The following OR2L13 variants were observed in gnomAD, a reference collection of about 807,000 sequenced individuals.
OR2L13 encodes olfactory receptor family 2 subfamily L member 13, also known as olfactory receptor 2L13.
OR2L13 carries 14 observed loss-of-function variants against 15.3 expected under a neutral mutation model. The ratio of observed to expected loss-of-function variants is 0.91; its 90% CI spans 0.60 to 1.43. The LOEUF is 1.43. Ranked by LOEUF, OR2L13 falls within the 40% of genes most tolerant of loss-of-function variation. The pLI is 0.00. For missense variants in OR2L13, 367 were observed against 387.9 expected, an observed-to-expected ratio of 0.95 and a Z score of 0.45; for synonymous variants, 152 against 142.9, an observed-to-expected ratio of 1.06 and a Z score of -0.45.
At chr1:248,015,245 A>G in the OR2L13 span, among the ~76,000 whole-genome samples, 1 of 152,188 alleles carries the variant, frequency 6.6e-6, no homozygotes, top group African/African-American at 2.4e-5. Flanking sequence ...TCAGTTAAAC[A>G]CAACATTATG....
chr1:248,027,895 C>A, the OR2L13 span, among the ~76,000 whole-genome samples: 2 of 152,002 alleles, frequency 1.3e-5, no homozygotes, highest in East Asian at 3.9e-4. Context: ...GATCCCAGCA[C>A]TTTGGGAGGC....
the OR2L13 span, among the ~76,000 whole-genome samples, chr1:248,074,115 T>C: frequency 2.0e-5 from 3 of 151,918 alleles, no homozygotes; most frequent in African/African-American, 7.2e-5. Context: ...CCAGAATAAA[T>C]AAAAAATTTA....
At chr1:247,943,956 G>T in the OR2L13 span, among the ~76,000 whole-genome samples, 1 of 152,086 alleles carries the variant, frequency 6.6e-6, no homozygotes, top group African/African-American at 2.4e-5. Context: ...TTCTCCACGA[G>T]TGGACTTAGT....
chr1:247,948,966 G>A, the OR2L13 span: 1 of 1,613,782 alleles, frequency 6.2e-7, no homozygotes. Flanking sequence ...TTTCCTGATG[G>A]CTCTAATTGG....
At chr1:247,987,892 A>G in the OR2L13 span, among the ~76,000 whole-genome samples, 1 of 152,134 alleles carries the variant, frequency 6.6e-6, no homozygotes, top group Non-Finnish European at 1.5e-5. Context: ...GAATCTATTG[A>G]TTAAATACAA....
chr1:247,961,957 A>C, the OR2L13 span, among the ~76,000 whole-genome samples: 1 of 152,194 alleles, frequency 6.6e-6, no homozygotes, highest in African/African-American at 2.4e-5. Context: ...AGATTAGAAC[A>C]GTTACTGGAA....
the OR2L13 span, among the ~76,000 whole-genome samples, chr1:247,987,921 A>G: frequency 6.6e-6 from 1 of 152,168 alleles, no homozygotes; most frequent in Non-Finnish European, 1.5e-5. Context: ...TATTCTTGTA[A>G]AACCTGATGG....
chr1:248,021,342 T>C, the OR2L13 span, among the ~76,000 whole-genome samples: 2 of 152,212 alleles, frequency 1.3e-5, no homozygotes, highest in African/African-American at 4.8e-5. Context: ...GTTGTATAAA[T>C]AATTCACAGT....
chr1:248,053,240 T>C, the OR2L13 span, among the ~76,000 whole-genome samples: 1 of 152,222 alleles, frequency 6.6e-6, no homozygotes, highest in East Asian at 1.9e-4. Context: ...TTGCTGAGGA[T>C]AATGGCTTCC....
the OR2L13 span, chr1:247,949,353 C>T: frequency 6.2e-7 from 1 of 1,614,176 alleles, no homozygotes; most frequent in South Asian, 1.1e-5. Flanking sequence ...ACTCCATATT[C>T]CTTATTGCCG....
At chr1:248,027,707 CAG>C in the OR2L13 span, among the ~76,000 whole-genome samples, 2 of 152,228 alleles carry the variant, frequency 1.3e-5, no homozygotes, top group South Asian at 4.1e-4. Flanking sequence ...TACAAAGAAA[CAG>C]AGAGTAGAAT....
the OR2L13 span, among the ~76,000 whole-genome samples, chr1:248,042,629 C>T: frequency 1.3e-5 from 2 of 152,232 alleles, no homozygotes; most frequent in African/African-American, 4.8e-5. Context: ...GTGAGGGACA[C>T]AGACCATCAC....
At chr1:248,077,674 A>T in the OR2L13 span, among the ~76,000 whole-genome samples, 1 of 152,238 alleles carries the variant, frequency 6.6e-6, no homozygotes, top group Non-Finnish European at 1.5e-5. Flanking sequence ...GACATGACCC[A>T]TGAAGAAAAA....
the OR2L13 span, among the ~76,000 whole-genome samples, chr1:248,088,346 C>T: frequency 2.0e-5 from 3 of 152,078 alleles, no homozygotes; most frequent in Non-Finnish European, 4.4e-5. Context: ...CAATTCCCAA[C>T]TTTACATGTT....
At chr1:248,033,955 T>C in the OR2L13 span, among the ~76,000 whole-genome samples, 771 of 152,290 alleles carry the variant, frequency 5.1e-3, 5 homozygotes, top group African/African-American at 0.017. Context: ...TCTTTGCTTA[T>C]AATATGATTG....
chr1:248,009,116 C>T, the OR2L13 span, among the ~76,000 whole-genome samples: 3 of 152,012 alleles, frequency 2.0e-5, no homozygotes, highest in African/African-American at 7.2e-5. Context: ...ACTAACATCA[C>T]AATTAAAAGA....
chr1:247,940,731 C>CGTGTGCGT, the OR2L13 span, among the ~76,000 whole-genome samples: 15 of 147,180 alleles, frequency 1.0e-4, no homozygotes, highest in South Asian at 3.3e-3. Context: ...TGCATACGTG[C>CGTGTGCGT]GTGTGTGTGT....
At chr1:247,943,498 T>C in the OR2L13 span, among the ~76,000 whole-genome samples, 2 of 152,176 alleles carry the variant, frequency 1.3e-5, no homozygotes, top group Non-Finnish European at 2.9e-5. Flanking sequence ...CATATACTAA[T>C]TCTATGTTTA....
upstream of OR2L13, among the ~76,000 whole-genome samples, chr1:248,091,621 A>G (rs2103188299): frequency 6.6e-6 from 1 of 152,150 alleles, no homozygotes; most frequent in Middle Eastern, 3.4e-3. Flanking sequence ...TGGGCTCTCC[A>G]TTCTGTTCCG....
Sources: allele counts gnomAD v4.1 joint callset (sites outside exome capture counted in the v4.1 genomes callset), GRCh38; gene constraint gnomAD v4.1.1; transcripts MANE v1.5; gene names NCBI Gene and HGNC (gene_info 2026-07-23, HGNC 2026-07-21).